ZNF875: variants seen among roughly 807,000 people sequenced by gnomAD.
ZNF875 encodes HKR1, GLI-Kruppel zinc finger family member.
Under a neutral mutation model 11.2 loss-of-function variants are expected in ZNF875, and 14 were observed. That is an observed-to-expected ratio of 1.26 (90% confidence interval 0.83 to 1.96). ZNF875 has a LOEUF of 1.96. Ranked by LOEUF, ZNF875 falls within the 30% of genes most tolerant of loss-of-function variation. The probability of loss-of-function intolerance (pLI) is 0.00; values close to 1 mark genes in which losing one functional copy is unlikely to be tolerated. For missense variants in ZNF875, 752 were observed against 760.4 expected (o/e 0.99, Z 0.13); for synonymous variants, 301 against 281.1 (o/e 1.07, Z -0.71).
At chr19:37,355,743 A>G (rs1029128589) in intron 4 of ZNF875, among the ~76,000 whole-genome samples, 6 of 152,214 alleles carry the variant, frequency 3.9e-5, no homozygotes, top group Non-Finnish European at 8.8e-5. Context: ...TATTATTTCA[A>G]TAATCTTTCT....
At chr19:37,326,766 C>G (rs1465479057) in intron 4 of ZNF875, among the ~76,000 whole-genome samples, 1 of 133,252 alleles carries the variant, frequency 7.5e-6, no homozygotes, top group Non-Finnish European at 1.5e-5. Context: ...CTTCCAGATT[C>G]AAGTGATTCT....
chr19:37,330,444 C>A (rs1029422427), upstream of ZNF875, among the ~76,000 whole-genome samples: 2 of 152,182 alleles, frequency 1.3e-5, no homozygotes, highest in African/African-American at 4.8e-5. Context: ...CACCCACTTT[C>A]CTCTCAGGGA....
upstream of ZNF875, among the ~76,000 whole-genome samples, chr19:37,313,766 G>GTT (rs761962213): frequency 6.8e-6 from 1 of 147,034 alleles, no homozygotes; most frequent in Non-Finnish European, 1.5e-5. Context: ...GTGTGTGTGT[G>GTT]TGTTGATTAA....
At chr19:37,357,710 A>AT (rs926367717) in intron 4 of ZNF875, among the ~76,000 whole-genome samples, 23 of 147,602 alleles carry the variant, frequency 1.6e-4, no homozygotes, top group East Asian at 4.0e-4. Flanking sequence ...ACTTTACTGA[A>AT]TTTTTTTTTT....
At chr19:37,332,168 G>A (rs535873379), upstream of ZNF875, among the ~76,000 whole-genome samples, 27 of 149,738 alleles carry the variant, frequency 1.8e-4, no homozygotes, top group East Asian at 4.1e-3. Flanking sequence ...TGACACATCC[G>A]CCTCTTCGAG....
At chr19:37,324,619 C>A (rs117951988) in intron 4 of ZNF875, among the ~76,000 whole-genome samples, 1 of 152,100 alleles carries the variant, frequency 6.6e-6, no homozygotes, top group Non-Finnish European at 1.5e-5. Flanking sequence ...AATATTCTAC[C>A]CCTAACATTA....
At position 37,321,792 on chromosome 19, in the gene ZNF875, G is replaced by C. The variant is rs893220449; in HGVS notation, c.-746-393G>C. Among the ~76,000 whole-genome samples the C allele has an allele frequency of 4.6e-5, 7 of 152,172 alleles. No individual in the cohort carries two copies. The East Asian group carries it at 5.8e-4, about 13-fold the overall frequency. On this transcript the variant is annotated intron_variant, in intron 1 of 5. Transcript: ENST00000544914. ...GCAAATCCACCCAGGATCGGGGAGA[G>C]AGGACATCGATTCTGCCTCTCAAAG... is the stretch of plus-strand genomic sequence containing the variant.
intron 4 of ZNF875, among the ~76,000 whole-genome samples, chr19:37,357,408 G>A (rs1446505249): frequency 1.3e-5 from 2 of 152,174 alleles, no homozygotes; most frequent in East Asian, 3.9e-4. Context: ...CATTGAATCT[G>A]TAGATTGCTT....
chr19:37,354,566 A>G (rs532061302), intron 4 of ZNF875, among the ~76,000 whole-genome samples: 121 of 152,202 alleles, frequency 7.9e-4, no homozygotes, highest in Non-Finnish European at 1.2e-3. Context: ...TCAAAATTAC[A>G]GAATATTTGC....
chr19:37,344,680 G>A (rs2036421323), intron 2 of ZNF875: 1 of 1,613,410 alleles, frequency 6.2e-7, no homozygotes, highest in African/African-American at 1.3e-5. Flanking sequence ...GATTTGGAGT[G>A]AATCATGAGG....
intron 2 of ZNF875, among the ~76,000 whole-genome samples, chr19:37,342,500 C>A (rs781726968): frequency 6.6e-6 from 1 of 151,608 alleles, no homozygotes. Context: ...GCAACCTCCA[C>A]CTCCCAGGTT....
intron 3 of ZNF875, among the ~76,000 whole-genome samples, chr19:37,323,761 C>T (rs1415442535): frequency 6.6e-6 from 1 of 152,156 alleles, no homozygotes; most frequent in Non-Finnish European, 1.5e-5. Context: ...ATGTCACTGG[C>T]ATGTGGGTTA....
intron 1 of ZNF875, 67 bp downstream of exon 1, chr19:37,334,849 G>C: frequency 2.2e-6 from 1 of 460,802 alleles, no homozygotes; most frequent in Non-Finnish European, 4.3e-6. Flanking sequence ...CGCCGGCTGG[G>C]AGCCGCAGAG....
chr19:37,329,030 T>G (rs1415155764), intron 4 of ZNF875: 2 of 151,982 alleles, frequency 1.3e-5, no homozygotes, highest in Non-Finnish European at 2.9e-5. Flanking sequence ...ACTCTAGGAG[T>G]GAGACCCAAC....
At chr19:37,330,957 C>CG (rs1213768457), upstream of ZNF875, among the ~76,000 whole-genome samples, 1 of 151,882 alleles carries the variant, frequency 6.6e-6, no homozygotes, top group Non-Finnish European at 1.5e-5. Flanking sequence ...GAGGCTGAGG[C>CG]GGGTGGATCA....
Position 37,363,283 on chromosome 19 carries a change from A to T in ZNF875, c.1431A>T (p.Pro477=). The part of the protein sequence containing the change: ...KHQRSHTGEK[P]FVCTECGRGF... Reference sequence around the variant, plus strand: ...AGAGGTCACACACGGGGGAGAAGCCATTTGTATGTACGGAGTGTGGGCGAG... The same window carrying T: ...AGAGGTCACACACGGGGGAGAAGCCTTTTGTATGTACGGAGTGTGGGCGAG... Residue 477 remains proline (P), a synonymous_variant, in exon 5 of 5, where the codon CCA becomes CCT. Coordinates refer to ENST00000392153, the MANE Select transcript of ZNF875 (RefSeq NM_001353803.2). The T allele has an allele frequency of 6.2e-7, 1 of 1,612,310 alleles. No individual in the cohort carries two copies. Among genetic ancestry groups the T allele is most frequent in the Non-Finnish European group, 8.5e-7 (1 of 1,179,244 alleles).
chr19:37,331,613 C>T (rs541076190), upstream of ZNF875, among the ~76,000 whole-genome samples: 83 of 147,302 alleles, frequency 5.6e-4, no homozygotes, highest in African/African-American at 2.0e-3. Context: ...TAAACAGATG[C>T]TTGAAGGCAG....
chr19:37,335,273 A>G lies in ZNF875; in HGVS notation c.33+16A>G, dbSNP rs1319348070. 1.4e-6 allele frequency: 1 copy of G among 693,818 alleles called. No homozygotes were observed. The highest frequency in any genetic ancestry group is 1.8e-5 in the African/African-American group (1 of 57,066). 43.0% of individuals were successfully genotyped at this position (693,818 alleles called of 1,614,324 possible). A position where few individuals can be genotyped will look rare whatever the true frequency, so the allele number is the denominator to read the frequency against. On this transcript the variant is annotated intron_variant, in intron 2 of 4. Transcript: ENST00000392153. ...CAAAAAAGAGGTGAGAATTAACTGT[A>G]ATTCTATCTTGGCTGTCAACAGAAT...
chr19:37,340,842 G>T (rs2035573076), intron 2 of ZNF875, among the ~76,000 whole-genome samples: 1 of 151,758 alleles, frequency 6.6e-6, no homozygotes, highest in African/African-American at 2.4e-5. Context: ...TAGAGACGGG[G>T]TGTCACCTTG....
Sources: allele counts gnomAD v4.1 joint callset (sites outside exome capture counted in the v4.1 genomes callset), GRCh38; gene constraint gnomAD v4.1.1; transcripts MANE v1.5; gene names NCBI Gene and HGNC (gene_info 2026-07-23, HGNC 2026-07-21).